The following ETHE1 variants were observed in gnomAD, a reference collection of about 807,000 sequenced individuals.
The protein encoded by ETHE1 is persulfide dioxygenase ETHE1, mitochondrial.
In ETHE1, 16 loss-of-function variants were observed where a neutral mutation model predicts 25.7. That is an observed-to-expected ratio of 0.62 (90% confidence interval 0.42 to 0.95). The LOEUF is 0.95. Ranked by LOEUF, ETHE1 falls within the 40% of genes least tolerant of loss-of-function variation. The pLI is 0.00. For missense variants in ETHE1, 300 were observed against 333.6 expected, an observed-to-expected ratio of 0.90 and a Z score of 0.79; for synonymous variants, 139 against 135.9, an observed-to-expected ratio of 1.02 and a Z score of -0.16.
At chr19:43,514,323 A>T (rs780974991) in intron 3 of ETHE1, among the ~76,000 whole-genome samples, 1 of 151,980 alleles carries the variant, frequency 6.6e-6, no homozygotes, top group Non-Finnish European at 1.5e-5. Context: ...TGATCTTACA[A>T]ACGGCAGTTC....
intron 3 of ETHE1, among the ~76,000 whole-genome samples, chr19:43,518,999 G>GTGTATTTTTTTT (rs1568497899): frequency 1.1e-5 from 1 of 91,012 alleles, no homozygotes; most frequent in African/African-American, 4.2e-5. Flanking sequence ...ATTTGTGCTT[G>GTGTATTTTTTTT]TTTTTTTTTT....
chr19:43,506,992 C>T (rs965743527), intron 6 of ETHE1, 90 bp from the exon 7 acceptor site: 40 of 1,373,082 alleles, frequency 2.9e-5, no homozygotes, highest in Admixed American at 7.2e-5. Flanking sequence ...AACCTTTCCT[C>T]TTCAGGAAAC....
intron 3 of ETHE1, among the ~76,000 whole-genome samples, chr19:43,520,327 A>C (rs1217372832): frequency 6.6e-6 from 1 of 152,178 alleles, no homozygotes; most frequent in East Asian, 1.9e-4. Flanking sequence ...GTGCCACTGT[A>C]CGCCAGCCTG....
At chr19:43,526,724 C>A (rs1383795465) in intron 1 of ETHE1, 65 bp from the exon 2 acceptor site, 3 of 1,609,256 alleles carry the variant, frequency 1.9e-6, no homozygotes, top group East Asian at 4.5e-5. Flanking sequence ...GCCAAGTAGT[C>A]CAGACTGACC....
intron 3 of ETHE1, among the ~76,000 whole-genome samples, chr19:43,521,398 C>T (rs900957869): frequency 2.0e-5 from 3 of 152,098 alleles, no homozygotes; most frequent in Non-Finnish European, 4.4e-5. Context: ...CAGTCCCCTG[C>T]TGTGTACTTT....
In ETHE1 at chr19:43,508,752, C is replaced by T. The variant is rs767588762; in HGVS notation, c.595+23G>A. On this transcript the variant is annotated intron_variant, in intron 5 of 6. Transcript: ENST00000292147. ...CACTTTCAAAGTTATGTACGCCCCA[C>T]ACCTCTTCCAGGAAGCCCTCACCAT... is the stretch of plus-strand genomic sequence containing the variant. 15 of 1,555,444 alleles carry T rather than the reference C, an allele frequency of 9.6e-6. No individual in the cohort carries two copies. The Middle Eastern group carries it at 6.7e-4, about 69-fold the overall frequency.
intron 3 of ETHE1, among the ~76,000 whole-genome samples, chr19:43,514,623 T>C (rs1043490630): frequency 1.3e-5 from 2 of 151,840 alleles, no homozygotes; most frequent in East Asian, 3.9e-4. Context: ...GTAGCTGGGA[T>C]TACAGGCATG....
chr19:43,516,945 A>G (rs1972032746), intron 3 of ETHE1, among the ~76,000 whole-genome samples: 1 of 151,808 alleles, frequency 6.6e-6, no homozygotes, highest in Non-Finnish European at 1.5e-5. Context: ...TATTGACTTT[A>G]CAATAATGTG....
intron 3 of ETHE1, among the ~76,000 whole-genome samples, chr19:43,520,372 A>G (rs1972116118): frequency 6.6e-6 from 1 of 152,032 alleles, no homozygotes; most frequent in Non-Finnish European, 1.5e-5. Context: ...AAAAGAAAAA[A>G]AGATGAAGTG....
chr19:43,515,220 C>G (rs181906704), intron 3 of ETHE1, among the ~76,000 whole-genome samples: 1 of 152,034 alleles, frequency 6.6e-6, no homozygotes, highest in African/African-American at 2.4e-5. Flanking sequence ...AGTTCGAGAC[C>G]ACCCCGGCCA....
intron 3 of ETHE1, among the ~76,000 whole-genome samples, chr19:43,520,899 T>C (rs1297702775): frequency 1.1e-4 from 17 of 152,048 alleles, no homozygotes; most frequent in Admixed American, 9.2e-4. Flanking sequence ...TAAATCAGAC[T>C]CTCTGATTCT....
At chr19:43,517,078 C>T (rs1331916737) in intron 3 of ETHE1, among the ~76,000 whole-genome samples, 1 of 151,864 alleles carries the variant, frequency 6.6e-6, no homozygotes, top group Admixed American at 6.6e-5. Context: ...CCCATCTCAG[C>T]CTCTCAATGT....
chr19:43,513,985 G>C (rs1313958794), intron 3 of ETHE1, among the ~76,000 whole-genome samples: 1 of 152,118 alleles, frequency 6.6e-6, no homozygotes, highest in Non-Finnish European at 1.5e-5. Flanking sequence ...GCCTCCCAAA[G>C]TGCTGAGATA....
intron 3 of ETHE1, among the ~76,000 whole-genome samples, chr19:43,516,628 T>TTC (rs1555763746): frequency 7.0e-5 from 10 of 142,740 alleles, no homozygotes; most frequent in Non-Finnish European, 1.4e-4. Flanking sequence ...TTTTTCTTTT[T>TTC]TTTTTTTTTT....
rs1284200516 is a variant in ETHE1 at position 43,511,536 on chromosome 19, T to C, written c.406A>G (p.Thr136Ala). Residue 136 changes from threonine to alanine, a missense_variant, in exon 4 of 7, where the codon ACC (threonine) becomes GCC (alanine). Transcript: ENST00000292147. ...AGGACGAAGGTGACACAGCCTGGGG[T>C]GTGGCCAGGGCTGGCCCTGGTCTCC... is the stretch of plus-strand genomic sequence containing the variant. ...ALETRASPGH[T>A]PGCVTFVLND... 2 of 1,613,988 alleles carry C rather than the reference T, an allele frequency of 1.2e-6. No individual in the cohort carries two copies. The highest frequency in any genetic ancestry group is 1.7e-5 in the Admixed American group (1 of 59,992).
In ETHE1 at chr19:43,526,292, A is replaced by C. The variant is rs1340962254; in HGVS notation, c.284T>G (p.Leu95Arg). The C allele has an allele frequency of 1.2e-6, 2 of 1,614,098 alleles. No homozygotes were observed. Among genetic ancestry groups the C allele is most frequent in the South Asian group, 1.1e-5 (1 of 91,074 alleles). Residue 95 changes from leucine to arginine, a missense_variant, in exon 3 of 7, where the codon CTC becomes CGC. Coordinates refer to ENST00000292147, the MANE Select transcript of ETHE1 (RefSeq NM_014297.5). ...ITGSGLLRSL[L>R]PGCQSVISRL... ...GGAGATGACAGACTGGCAGCCAGGG[A>C]GGAGGGAACGGAGCAGCCCCGAGCC...
At chr19:43,511,307 C>T (rs1971910094) in intron 4 of ETHE1, 130 bp downstream of exon 4, 1 of 1,419,060 alleles carries the variant, frequency 7.0e-7, no homozygotes, top group East Asian at 2.4e-5. Flanking sequence ...AGCAGGTAAA[C>T]TCCTTGAATT....
intron 3 of ETHE1, among the ~76,000 whole-genome samples, chr19:43,518,751 CAAAAAAA>C (rs34214132): frequency 2.6e-5 from 2 of 77,612 alleles, no homozygotes; most frequent in Non-Finnish European, 4.9e-5. Flanking sequence ...ACTCTTGTCT[CAAAAAAA>C]AAAAAAAAAA....
chr19:43,524,839 G>A (rs1433560342), intron 3 of ETHE1, among the ~76,000 whole-genome samples: 12 of 151,386 alleles, frequency 7.9e-5, no homozygotes, highest in Admixed American at 7.9e-4. Context: ...ACAAAAAAGG[G>A]TGGGTGCAGT....
Sources: allele counts gnomAD v4.1 joint callset (sites outside exome capture counted in the v4.1 genomes callset), GRCh38; gene constraint gnomAD v4.1.1; transcripts MANE v1.5; gene names NCBI Gene and HGNC (gene_info 2026-07-23, HGNC 2026-07-21).